Variants in CDKL5 observed in about 807,000 individuals in gnomAD.
CDKL5 encodes cyclin-dependent kinase-like 5.
A neutral mutation model predicts 61.7 loss-of-function variants in CDKL5; 8 were observed. The observed-to-expected ratio is 0.13, with a 90% CI of 0.08 to 0.23. The LOEUF is 0.23. Among genes scored for constraint, CDKL5 ranks in the 10% least tolerant of loss-of-function variants. The pLI is 1.00. For synonymous variants in CDKL5, 275 were observed against 272.3 expected, an observed-to-expected ratio of 1.01 and a Z score of -0.10; for missense variants, 440 against 734.5, an observed-to-expected ratio of 0.60 and a Z score of 4.63.
chrX:18,622,816 G>C (rs1004172031), intron 16 of CDKL5, among the ~76,000 whole-genome samples: 2 of 111,664 alleles, frequency 1.8e-5, no homozygotes, highest in East Asian at 2.8e-4. Flanking sequence ...CCATGGACCC[G>C]CCTCTGTGGG....
chrX:18,550,051 G>A (rs1924331172), intron 3 of CDKL5, among the ~76,000 whole-genome samples: 2 of 111,759 alleles, frequency 1.8e-5, no homozygotes, highest in African/African-American at 6.5e-5. Context: ...TGAGGGGCAA[G>A]CTGATACCCA....
At chrX:18,478,181 A>G (rs1259600708) in intron 1 of CDKL5, among the ~76,000 whole-genome samples, 1 of 108,001 alleles carries the variant, frequency 9.3e-6, no homozygotes, top group Non-Finnish European at 1.9e-5. Context: ...GTTTTGTTGG[A>G]TATGAAATTC....
rs916440695 is a variant in CDKL5, at chrX:18,625,308, G to A, written c.2496+61G>A. ...CTCTCCAGTAACTGTCCTGAGGAGC[G>A]GGGAGGGCATGCTAGAGAAAACTTA... On this transcript the variant is annotated intron_variant, in intron 17 of 17. Coordinates refer to ENST00000623535, the MANE Select transcript of CDKL5 (RefSeq NM_001323289.2). The A allele has an allele frequency of 2.7e-5, 31 of 1,156,300 alleles. No homozygotes were observed. In the African/African-American group the frequency reaches 3.6e-4, roughly 13 times the overall value.
chrX:18,601,490 A>AG (rs1926177846), intron 11 of CDKL5, among the ~76,000 whole-genome samples: 1 of 112,637 alleles, frequency 8.9e-6, no homozygotes, highest in South Asian at 3.6e-4. Flanking sequence ...TGTGTGTCGA[A>AG]GAGATCTATG....
At chrX:18,643,420 G>T (rs992660038), downstream of CDKL5, among the ~76,000 whole-genome samples, 1 of 110,921 alleles carries the variant, frequency 9.0e-6, no homozygotes, top group African/African-American at 3.3e-5. Context: ...TTCAAGTCAG[G>T]AGCCAGGTGA....
intron 1 of CDKL5, among the ~76,000 whole-genome samples, chrX:18,437,617 A>T (rs1393932938): frequency 8.9e-6 from 1 of 112,279 alleles, no homozygotes; most frequent in Non-Finnish European, 1.9e-5. Context: ...AAATTTTGTT[A>T]CTATTGTATA....
At chrX:18,523,347 C>G (rs1289602287) in intron 3 of CDKL5, among the ~76,000 whole-genome samples, 4 of 111,033 alleles carry the variant, frequency 3.6e-5, no homozygotes, top group African/African-American at 1.3e-4. Context: ...TTTGCCTATT[C>G]TAGATATTTT....
chrX:18,645,755 G>A (rs754670218), intron 19 of CDKL5, among the ~76,000 whole-genome samples: 1 of 110,385 alleles, frequency 9.1e-6, no homozygotes, highest in Non-Finnish European at 1.9e-5. Context: ...ATATTTATCC[G>A]GCAGAGTCTG....
intron 1 of CDKL5, among the ~76,000 whole-genome samples, chrX:18,455,194 T>C (rs778010160): frequency 8.9e-6 from 1 of 111,869 alleles, no homozygotes; most frequent in South Asian, 3.7e-4. Context: ...AATAATAGAT[T>C]TTTATAGTTG....
intron 1 of CDKL5, among the ~76,000 whole-genome samples, chrX:18,432,011 C>G (rs768172149): frequency 2.4e-4 from 26 of 109,821 alleles, no homozygotes; most frequent in African/African-American, 7.9e-4. Context: ...CAGGCTCGAG[C>G]GATCCTCCCA....
At chrX:18,436,657 T>A (rs1294909064) in intron 1 of CDKL5, among the ~76,000 whole-genome samples, 2 of 109,947 alleles carry the variant, frequency 1.8e-5, no homozygotes, top group African/African-American at 6.6e-5. Context: ...CCCAGCACTT[T>A]GGGAGGCTGA....
At chrX:18,641,438 G>A (rs147704131), downstream of CDKL5, 97 of 117,723 alleles carry the variant, frequency 8.2e-4, no homozygotes, top group African/African-American at 3.1e-3. Flanking sequence ...GTCACGTATA[G>A]CCTCTCAGGG....
In CDKL5 at chrX:18,628,673, A is replaced by G; in HGVS notation, c.2799A>G (p.Lys933=). Residue 933 remains lysine, a synonymous_variant, in exon 18 of 18, where the codon AAA becomes AAG. Transcript: ENST00000623535. ...CCTACTCTGAACAGCTGGGTGCCAAAAGTGGGCCAAATGGGCACCCCTATA... is the reference window on the plus strand; with the variant it reads ...CCTACTCTGAACAGCTGGGTGCCAAGAGTGGGCCAAATGGGCACCCCTATA... ...GPSYSEQLGA[K]SGPNGHPYNR... 8.3e-7 allele frequency: 1 copy of G among 1,202,009 alleles called. No homozygotes were observed. The highest frequency in any genetic ancestry group is 1.1e-6 in the Non-Finnish European group (1 of 890,380).
chrX:18,472,225 T>A (rs1378597187), intron 1 of CDKL5, among the ~76,000 whole-genome samples: 1 of 112,131 alleles, frequency 8.9e-6, no homozygotes, highest in Non-Finnish European at 1.9e-5. Flanking sequence ...CATTTCCTGA[T>A]GGTATTTACT....
chrX:18,648,912 G>A lies in CDKL5; in HGVS notation c.2798-1498G>A, dbSNP rs148035942. Among the ~76,000 whole-genome samples the A allele has an allele frequency of 2.6e-3, 289 of 109,687 alleles. 2 individuals are homozygous for A. Among genetic ancestry groups the A allele is most frequent in the African/African-American group, 8.8e-3 (266 of 30,150 alleles). ...GGGCAACATAGGGAGACCCCATCTC[G>A]TGGCTCACGTCTATAGTCCCAGCTA... On this transcript the variant is annotated intron_variant, in intron 20 of 21. Coordinates refer to the CDKL5 transcript ENST00000379989.
At chrX:18,584,141 G>A (rs1160046050) in intron 7 of CDKL5, 122 bp from the exon 8 acceptor site, 1 of 547,916 alleles carries the variant, frequency 1.8e-6, no homozygotes, top group Admixed American at 2.3e-5. Context: ...AATAGCCCAT[G>A]CGAGAACAGT....
intron 1 of CDKL5, among the ~76,000 whole-genome samples, chrX:18,497,963 G>A (rs1367072937): frequency 9.4e-6 from 1 of 106,540 alleles, no homozygotes; most frequent in Admixed American, 1.0e-4. Context: ...GACTAGAGGT[G>A]TTCGCCACCA....
chrX:18,550,944 G>A (rs1225924020), intron 3 of CDKL5, among the ~76,000 whole-genome samples: 1 of 108,023 alleles, frequency 9.3e-6, no homozygotes, highest in Non-Finnish European at 1.9e-5. Context: ...TGGTTTGAGG[G>A]TATCTACATA....
intron 1 of CDKL5, among the ~76,000 whole-genome samples, chrX:18,466,220 G>A (rs936413810): frequency 9.0e-6 from 1 of 111,497 alleles, no homozygotes; most frequent in Admixed American, 9.6e-5. Flanking sequence ...CTTCCTAAAT[G>A]AAAGATAAAA....
Sources: allele counts gnomAD v4.1 joint callset (sites outside exome capture counted in the v4.1 genomes callset), GRCh38; gene constraint gnomAD v4.1.1; transcripts MANE v1.5; gene names NCBI Gene and HGNC (gene_info 2026-07-23, HGNC 2026-07-21).